Variants in CACNB2 observed in about 807,000 individuals in gnomAD.
The protein encoded by CACNB2 is voltage-dependent L-type calcium channel subunit beta-2.
A neutral mutation model predicts 73.3 loss-of-function variants in CACNB2; 42 were observed. The observed-to-expected ratio is 0.57, with a 90% CI of 0.45 to 0.74. The LOEUF is 0.74. Ranked by LOEUF, CACNB2 falls within the 30% of genes least tolerant of loss-of-function variation. The probability of loss-of-function intolerance (pLI) is 0.00; values close to 1 mark genes in which losing one functional copy is unlikely to be tolerated. For synonymous variants in CACNB2, 348 were observed against 310.3 expected, an observed-to-expected ratio of 1.12 and a Z score of -1.28; for missense variants, 940 against 853.0, an observed-to-expected ratio of 1.10 and a Z score of -1.27.
intron 2 of CACNB2, among the ~76,000 whole-genome samples, chr10:18,350,384 G>T (rs1310069185): frequency 1.3e-5 from 2 of 152,226 alleles, no homozygotes; most frequent in Admixed American, 6.5e-5. Context: ...GGGTCCCACA[G>T]GTGTCCGTGG....
rs557497175 is a variant in CACNB2 at position 18,451,018 on chromosome 10, C to G, written c.334-47337C>G. 4.9e-4 allele frequency among the ~76,000 whole-genome samples: 75 copies of G among 152,264 alleles called. 2 individuals carry two copies. The South Asian group carries it at 0.014, about 29-fold the overall frequency. On this transcript the variant is annotated intron_variant, in intron 3 of 13. Transcript: ENST00000324631. ...ACATATTTCAGCAGCTAGGATAACA[C>G]ATAATAGGGGAATCACTGGGAAATT... is the stretch of plus-strand genomic sequence containing the variant.
intron 4 of CACNB2, among the ~76,000 whole-genome samples, chr10:18,499,668 A>C (rs1281757171): frequency 6.7e-5 from 10 of 150,272 alleles, no homozygotes; most frequent in Admixed American, 1.3e-4. Flanking sequence ...ACTATGGCTC[A>C]TGCCTGTAAT....
chr10:18,461,410 T>C (rs2047569152), intron 3 of CACNB2, among the ~76,000 whole-genome samples: 3 of 152,160 alleles, frequency 2.0e-5, no homozygotes, highest in African/African-American at 7.2e-5. Flanking sequence ...GCATTCTCCC[T>C]TTTCAGTTCC....
At chr10:18,344,921 G>C (rs953268839) in intron 2 of CACNB2, among the ~76,000 whole-genome samples, 6 of 152,174 alleles carry the variant, frequency 3.9e-5, no homozygotes, top group African/African-American at 1.2e-4. Flanking sequence ...TATTTTTATA[G>C]TTGTAACTGC....
intron 2 of CACNB2, among the ~76,000 whole-genome samples, chr10:18,303,215 G>A (rs920739527): frequency 2.6e-5 from 4 of 152,070 alleles, no homozygotes; most frequent in Admixed American, 1.3e-4. Flanking sequence ...TTTAAGAAAG[G>A]GAGAAGGCCA....
intron 2 of CACNB2, among the ~76,000 whole-genome samples, chr10:18,291,141 G>A (rs950722377): frequency 1.3e-5 from 2 of 152,206 alleles, no homozygotes; most frequent in Non-Finnish European, 2.9e-5. Flanking sequence ...GGTACTTACA[G>A]GTACTCATTG....
At chr10:18,499,711 A>G (rs1003691667) in intron 4 of CACNB2, among the ~76,000 whole-genome samples, 5 of 149,108 alleles carry the variant, frequency 3.4e-5, no homozygotes, top group Middle Eastern at 3.2e-3. Flanking sequence ...CCTGGGTACT[A>G]TGGCTCATGC....
At chr10:18,201,036 C>A (rs1272750413) in intron 2 of CACNB2, among the ~76,000 whole-genome samples, 3 of 152,054 alleles carry the variant, frequency 2.0e-5, no homozygotes, top group Non-Finnish European at 2.9e-5. Context: ...ATTTTATGGC[C>A]AAATTAATTC....
chr10:18,235,362 G>A lies in CACNB2; in HGVS notation c.213+84387G>A, dbSNP rs78759584. ...AGTCTCAGCTACTCAGGAGGCTGAG[G>A]CAGGAGGATCCCTTGATCCTAGAAG... On this transcript the variant is annotated intron_variant, in intron 2 of 13. Transcript: ENST00000324631. Among the ~76,000 whole-genome samples the A allele has an allele frequency of 2.5e-3, 379 of 151,922 alleles. 2 individuals carry two copies. The highest frequency in any genetic ancestry group is 8.9e-3 in the African/African-American group (370 of 41,420).
At chr10:18,521,526 C>T (rs549564255) in intron 9 of CACNB2, among the ~76,000 whole-genome samples, 1 of 152,264 alleles carries the variant, frequency 6.6e-6, no homozygotes, top group South Asian at 2.1e-4. Flanking sequence ...CTCCTCTTCC[C>T]CCGGTCACTA....
At chr10:18,249,904 G>T (rs2037020656) in intron 2 of CACNB2, among the ~76,000 whole-genome samples, 1 of 152,016 alleles carries the variant, frequency 6.6e-6, no homozygotes, top group Non-Finnish European at 1.5e-5. Context: ...CTCTGATCCT[G>T]CTCCTCCCTA....
At position 18,292,944 on chromosome 10, in the gene CACNB2, T is replaced by C. The variant is rs1350736376; in HGVS notation, c.214-108980T>C. Among the ~76,000 whole-genome samples, 3 of 152,212 alleles carry C rather than the reference T, an allele frequency of 2.0e-5. No individual in the cohort carries two copies. The East Asian group carries it at 5.8e-4, about 29-fold the overall frequency. On this transcript the variant is annotated intron_variant, in intron 2 of 13. Transcript: ENST00000324631. ...AGAATTTATTATTAGATCATCATTA[T>C]GGTTTTTTGGCAATAATGTAGGAAA...
Position 18,223,482 on chromosome 10 carries a change from A to C in CACNB2, c.213+72507A>C, listed in dbSNP as rs189650495. On this transcript the variant is annotated intron_variant, in intron 2 of 13. Coordinates refer to ENST00000324631, the MANE Select transcript of CACNB2 (RefSeq NM_201596.3). Reference sequence around the variant, plus strand: ...TTCCATGAATAATTATTGATTATTTAATGTATTTTACACGATTTTCAGGAG... The same window carrying C: ...TTCCATGAATAATTATTGATTATTTCATGTATTTTACACGATTTTCAGGAG... 5.6e-3 allele frequency among the ~76,000 whole-genome samples: 857 copies of C among 152,314 alleles called. 5 individuals are homozygous for C. Among genetic ancestry groups the C allele is most frequent in the Non-Finnish European group, 1.0e-2 (680 of 68,022 alleles).
chr10:18,322,067 G>A (rs1013864112), intron 2 of CACNB2, among the ~76,000 whole-genome samples: 10 of 152,046 alleles, frequency 6.6e-5, no homozygotes, highest in African/African-American at 1.7e-4. Flanking sequence ...GAGGCAGGAG[G>A]ATCTCTTGAG....
At chr10:18,379,018 G>A (rs562938240) in intron 2 of CACNB2, among the ~76,000 whole-genome samples, 1 of 152,164 alleles carries the variant, frequency 6.6e-6, no homozygotes, top group South Asian at 2.1e-4. Context: ...GACTTTTATT[G>A]TAATGCATCC....
intron 3 of CACNB2, among the ~76,000 whole-genome samples, chr10:18,447,225 G>T (rs1379575413): frequency 4.6e-5 from 7 of 152,118 alleles, no homozygotes; most frequent in Non-Finnish European, 8.8e-5. Flanking sequence ...CTAAAGATAA[G>T]TTGACATCAC....
At chr10:18,209,413 C>T (rs1294166206) in intron 2 of CACNB2, among the ~76,000 whole-genome samples, 1 of 152,136 alleles carries the variant, frequency 6.6e-6, no homozygotes, top group Non-Finnish European at 1.5e-5. Flanking sequence ...TAGACTTTTG[C>T]AGCAGGAAAT....
chr10:18,325,573 C>T (rs903997505), intron 2 of CACNB2, among the ~76,000 whole-genome samples: 1 of 151,330 alleles, frequency 6.6e-6, no homozygotes. Context: ...TCTTTCCTTT[C>T]CTTCTTTTTC....
chr10:18,168,871 A>G (rs541196111), intron 2 of CACNB2, among the ~76,000 whole-genome samples: 1 of 152,216 alleles, frequency 6.6e-6, no homozygotes, highest in Non-Finnish European at 1.5e-5. Context: ...ACATAGGCCA[A>G]TGATGTTGAT....
Sources: allele counts gnomAD v4.1 joint callset (sites outside exome capture counted in the v4.1 genomes callset), GRCh38; gene constraint gnomAD v4.1.1; transcripts MANE v1.5; gene names NCBI Gene and HGNC (gene_info 2026-07-23, HGNC 2026-07-21).